Variants in HMBOX1 observed in about 807,000 individuals in gnomAD.
HMBOX1 encodes homeobox containing 1.
HMBOX1 carries 14 observed loss-of-function variants against 54.5 expected under a neutral mutation model. The observed-to-expected ratio is 0.26, with a 90% CI of 0.17 to 0.40. HMBOX1 has a LOEUF of 0.40. Ranked by LOEUF, HMBOX1 falls within the 10% of genes least tolerant of loss-of-function variation. The probability of loss-of-function intolerance (pLI) is 1.00; values close to 1 mark genes in which losing one functional copy is unlikely to be tolerated. For synonymous variants in HMBOX1, 160 were observed against 181.0 expected, an observed-to-expected ratio of 0.88 and a Z score of 0.93; for missense variants, 332 against 514.4, an observed-to-expected ratio of 0.65 and a Z score of 3.43.
At chr8:29,017,823 G>A (rs938127475) in intron 5 of HMBOX1, among the ~76,000 whole-genome samples, 11 of 152,006 alleles carry the variant, frequency 7.2e-5, no homozygotes, top group African/African-American at 1.2e-4. Context: ...TTATTTGCAA[G>A]GTACAATAAA....
At chr8:29,020,918 T>TA (rs1234837076) in intron 6 of HMBOX1, among the ~76,000 whole-genome samples, 1 of 152,224 alleles carries the variant, frequency 6.6e-6, no homozygotes, top group Non-Finnish European at 1.5e-5. Context: ...GGTTCACACC[T>TA]ATAATTTCAG....
chr8:29,049,974 C>T (rs1023287091), intron 9 of HMBOX1, among the ~76,000 whole-genome samples: 4 of 152,224 alleles, frequency 2.6e-5, no homozygotes, highest in Middle Eastern at 3.2e-3. Flanking sequence ...ATTCTAAAAA[C>T]TAATCTGTGA....
intron 5 of HMBOX1, chr8:29,010,333 T>C (rs1834061212): frequency 5.1e-6 from 1 of 197,994 alleles, no homozygotes; most frequent in Admixed American, 6.5e-5. Context: ...GCCGAAGTGG[T>C]CAGGTCACTT....
At chr8:28,942,093 T>C (rs1821535357) in intron 1 of HMBOX1, among the ~76,000 whole-genome samples, 1 of 152,216 alleles carries the variant, frequency 6.6e-6, no homozygotes. Flanking sequence ...TGAGAAATGC[T>C]GTCTTTAGTG....
intron 3 of HMBOX1, among the ~76,000 whole-genome samples, chr8:28,971,442 C>T (rs895307768): frequency 2.6e-5 from 4 of 152,112 alleles, no homozygotes; most frequent in Non-Finnish European, 5.9e-5. Flanking sequence ...TCACACTGGA[C>T]CCTGGGACAC....
At chr8:28,980,409 GT>G (rs1475360014) in intron 4 of HMBOX1, among the ~76,000 whole-genome samples, 1 of 152,104 alleles carries the variant, frequency 6.6e-6, no homozygotes, top group Non-Finnish European at 1.5e-5. Context: ...GCTAGAAAAG[GT>G]TCCTATAGTT....
chr8:29,043,545 A>G (rs992663803), intron 6 of HMBOX1, among the ~76,000 whole-genome samples: 1 of 152,262 alleles, frequency 6.6e-6, no homozygotes, highest in Non-Finnish European at 1.5e-5. Flanking sequence ...CACAGTGACA[A>G]GCACATATTA....
At chr8:28,921,294 C>T (rs1444618720) in intron 1 of HMBOX1, among the ~76,000 whole-genome samples, 2 of 152,214 alleles carry the variant, frequency 1.3e-5, no homozygotes, top group South Asian at 2.1e-4. Flanking sequence ...TGAGATCATG[C>T]CACCGCACTC....
chr8:28,943,686 A>G (rs973055919), intron 1 of HMBOX1, among the ~76,000 whole-genome samples: 12 of 152,212 alleles, frequency 7.9e-5, no homozygotes, highest in Non-Finnish European at 1.6e-4. Flanking sequence ...TCATAGAGAC[A>G]TAAGTATAAA....
chr8:29,050,291 G>C (rs1055362352), intron 9 of HMBOX1: 1 of 848,664 alleles, frequency 1.2e-6, no homozygotes, highest in African/African-American at 1.8e-5. Context: ...ACCATCTTCA[G>C]TGCCTGACGT....
intron 2 of HMBOX1, among the ~76,000 whole-genome samples, chr8:28,968,533 T>C (rs1207849636): frequency 6.6e-6 from 1 of 152,146 alleles, no homozygotes; most frequent in Non-Finnish European, 1.5e-5. Flanking sequence ...CAACATAAAA[T>C]GAAATGAATA....
chr8:29,000,330 C>G (rs940609852), intron 4 of HMBOX1, among the ~76,000 whole-genome samples: 4 of 152,210 alleles, frequency 2.6e-5, no homozygotes, highest in Non-Finnish European at 4.4e-5. Context: ...GAGGTGAGAG[C>G]TTCGAGCCTT....
chr8:28,924,119 T>A (rs182502415), intron 1 of HMBOX1, among the ~76,000 whole-genome samples: 25 of 151,942 alleles, frequency 1.6e-4, no homozygotes, highest in Admixed American at 1.5e-3. Flanking sequence ...TTGGTTTTTT[T>A]TTTTTGAGAT....
intron 1 of HMBOX1, among the ~76,000 whole-genome samples, chr8:28,945,605 G>C (rs1822286500): frequency 6.6e-6 from 1 of 152,202 alleles, no homozygotes; most frequent in Admixed American, 6.5e-5. Flanking sequence ...GCACCACTTA[G>C]TGTAGGATTT....
intron 6 of HMBOX1, among the ~76,000 whole-genome samples, chr8:29,027,260 A>C (rs375532378): frequency 6.4e-4 from 97 of 152,312 alleles, no homozygotes; most frequent in African/African-American, 2.2e-3. Flanking sequence ...CTAACTGTCC[A>C]TTTGTTCATT....
intron 1 of HMBOX1, among the ~76,000 whole-genome samples, chr8:28,906,612 C>T (rs1814375334): frequency 6.6e-6 from 1 of 152,006 alleles, no homozygotes; most frequent in Admixed American, 6.5e-5. Flanking sequence ...ATTTTTGAGA[C>T]AGAGTCTCAC....
At chr8:29,041,185 A>T (rs1431485671) in intron 6 of HMBOX1, among the ~76,000 whole-genome samples, 8 of 152,220 alleles carry the variant, frequency 5.3e-5, no homozygotes, top group Admixed American at 3.9e-4. Flanking sequence ...TTTTTTTAAA[A>T]TTTTTTCTTA....
chr8:29,002,390 C>T (rs896612978), intron 4 of HMBOX1, among the ~76,000 whole-genome samples: 1 of 152,102 alleles, frequency 6.6e-6, no homozygotes, highest in Non-Finnish European at 1.5e-5. Context: ...AAGTCATAGA[C>T]CATCATTTGT....
At position 29,047,957 on chromosome 8, in the gene HMBOX1, TAATGGTA is replaced by T. The variant is rs1466154950; in HGVS notation, c.1030+506_1030+512del. On this transcript the variant is annotated intron_variant, in intron 8 of 9. Transcript: ENST00000287701. ...AGTATTATTTACACTATTTGTAGTG[TAATGGTA>T]ATGACATTATTATTTATAAAACTCA... Among the ~76,000 whole-genome samples the T allele has an allele frequency of 2.0e-5, 3 of 152,226 alleles. No individual in the cohort carries two copies. The East Asian group carries it at 5.8e-4, about 29-fold the overall frequency.
Sources: allele counts gnomAD v4.1 joint callset (sites outside exome capture counted in the v4.1 genomes callset), GRCh38; gene constraint gnomAD v4.1.1; transcripts MANE v1.5; gene names NCBI Gene and HGNC (gene_info 2026-07-23, HGNC 2026-07-21).